NCOA3: variants seen among roughly 807,000 people sequenced by gnomAD.
NCOA3 encodes the protein CBP-interacting protein.
NCOA3 carries 51 observed loss-of-function variants against 158.8 expected under a neutral mutation model. The ratio of observed to expected loss-of-function variants is 0.32; its 90% CI spans 0.26 to 0.41. The LOEUF (loss-of-function observed/expected upper bound fraction) is 0.41, where lower values mean the gene tolerates loss of function less well. Ranked by LOEUF, NCOA3 falls within the 10% of genes least tolerant of loss-of-function variation. NCOA3 has a pLI of 1.00. For missense variants in NCOA3, 1,510 were observed against 1,746.6 expected (o/e 0.86, Z 2.41); for synonymous variants, 537 against 592.4 (o/e 0.91, Z 1.36).
intron 1 of NCOA3, among the ~76,000 whole-genome samples, chr20:47,565,169 C>T (rs764143014): frequency 2.6e-5 from 4 of 152,114 alleles, no homozygotes; most frequent in South Asian, 4.2e-4. Context: ...TTAGTAGAGA[C>T]GAGGTTTCTC....
chr20:47,522,917 G>T (rs1401476178), intron 1 of NCOA3, among the ~76,000 whole-genome samples: 5 of 151,472 alleles, frequency 3.3e-5, no homozygotes, highest in Admixed American at 1.3e-4. Flanking sequence ...CGAGCCCGGC[G>T]CGGTGGCTCA....
chr20:47,560,615 A>G (rs915760667), intron 1 of NCOA3, among the ~76,000 whole-genome samples: 2 of 152,112 alleles, frequency 1.3e-5, no homozygotes, highest in African/African-American at 4.8e-5. Context: ...GTAGTATCTC[A>G]TTGTTTTAAT....
chr20:47,649,125 C>T lies in NCOA3; in HGVS notation c.3651+16C>T. On this transcript the variant is annotated intron_variant, in intron 19 of 22. Coordinates refer to ENST00000371998, the MANE Select transcript of NCOA3 (RefSeq NM_181659.3). ...GAGCTCCCAGGTGAGGATGATAAGCCTCTCCACATGCATTGCTCTGTGCTC... is the reference window on the plus strand; with the variant it reads ...GAGCTCCCAGGTGAGGATGATAAGCTTCTCCACATGCATTGCTCTGTGCTC... The T allele has an allele frequency of 6.5e-7, 1 of 1,550,302 alleles. No homozygotes were observed.
chr20:47,635,988 G>A lies in NCOA3; in HGVS notation c.1602G>A (p.Gly534=), dbSNP rs1245725795. The change falls in exon 12 of 23, where the codon GGG becomes GGA. Residue 534 remains glycine, a synonymous_variant. Coordinates refer to ENST00000371998, the MANE Select transcript of NCOA3 (RefSeq NM_181659.3). ...TGCAAGCCATCAGTGAAGGTGTGGG[G>A]ACTTCCCTTTTATCTACTCTGTCAT... ...SALQAISEGV[G]TSLLSTLSSP... is the part of the protein sequence containing the mutation. The A allele has an allele frequency of 6.2e-7, 1 of 1,614,070 alleles. No homozygotes were observed. Among genetic ancestry groups the A allele is most frequent in the South Asian group, 1.1e-5 (1 of 91,070 alleles).
At chr20:47,652,884 C>A (rs532766691) in intron 21 of NCOA3, 47 bp from the exon 22 acceptor site, 2 of 1,601,780 alleles carry the variant, frequency 1.2e-6, no homozygotes, top group South Asian at 2.2e-5. Flanking sequence ...TGCCCTTTGT[C>A]GCTAAAGTGA....
chr20:47,555,632 GTTTTTTTTTTTTTTTT>G (rs74178745), intron 1 of NCOA3, among the ~76,000 whole-genome samples: 3 of 64,156 alleles, frequency 4.7e-5, no homozygotes, highest in Non-Finnish European at 8.2e-5. Flanking sequence ...CTATTAAAGT[GTTTTTTTTTTTTTTTT>G]TTTTTTTTGG....
At chr20:47,606,260 C>T (rs971361990) in intron 2 of NCOA3, among the ~76,000 whole-genome samples, 3 of 152,158 alleles carry the variant, frequency 2.0e-5, no homozygotes, top group Admixed American at 1.3e-4. Context: ...CGTGGACTCC[C>T]GGTAGTCTCT....
At chr20:47,650,441 G>C (rs1202793627) in intron 19 of NCOA3, among the ~76,000 whole-genome samples, 1 of 151,634 alleles carries the variant, frequency 6.6e-6, no homozygotes, top group Non-Finnish European at 1.5e-5. Context: ...AGTAGAGACA[G>C]GGTTTCACCA....
At chr20:47,586,339 TTG>T (rs1188161189) in intron 2 of NCOA3, among the ~76,000 whole-genome samples, 1 of 152,166 alleles carries the variant, frequency 6.6e-6, no homozygotes, top group Non-Finnish European at 1.5e-5. Flanking sequence ...TTATTTGTAT[TTG>T]TGCTGTCCTA....
chr20:47,511,550 T>TATATATATATACATACACAC, intron 1 of NCOA3, among the ~76,000 whole-genome samples: 2 of 52,268 alleles, frequency 3.8e-5, no homozygotes, highest in Non-Finnish European at 8.0e-5. Context: ...TATATATATA[T>TATATATATATACATACACAC]ATATATTTCT....
At chr20:47,511,835 A>G (rs1473494521) in intron 1 of NCOA3, among the ~76,000 whole-genome samples, 1 of 152,006 alleles carries the variant, frequency 6.6e-6, no homozygotes, top group Non-Finnish European at 1.5e-5. Context: ...TATGCTACAC[A>G]TGGACATATT....
chr20:47,574,097 T>C (rs765589134), intron 1 of NCOA3, among the ~76,000 whole-genome samples: 1 of 152,068 alleles, frequency 6.6e-6, no homozygotes, highest in Admixed American at 6.6e-5. Context: ...GCTATTAAGT[T>C]GTGTAGAAAA....
intron 10 of NCOA3, among the ~76,000 whole-genome samples, chr20:47,634,411 G>C (rs1185849956): frequency 6.6e-6 from 1 of 152,180 alleles, no homozygotes; most frequent in Non-Finnish European, 1.5e-5. Flanking sequence ...GGAAAGCTAG[G>C]TGATGGGAAG....
chr20:47,631,713 C>T (rs2086420890), intron 8 of NCOA3, among the ~76,000 whole-genome samples: 1 of 152,186 alleles, frequency 6.6e-6, no homozygotes, highest in South Asian at 2.1e-4. Context: ...GGTATTTTCT[C>T]TTGCTTATAG....
chr20:47,634,136 C>A lies in NCOA3; in HGVS notation c.1053C>A (p.Leu351=), dbSNP rs577097961. Reference sequence around the variant, plus strand: ...TGACTGCACAGACAAAAAGCAAACTCTTCCGAAATCCTGTAACAAATGATC... The same window carrying A: ...TGACTGCACAGACAAAAAGCAAACTATTCCGAAATCCTGTAACAAATGATC... ...TIVTAQTKSK[L]FRNPVTNDRH... is the part of the protein sequence containing the mutation. The change falls in exon 10 of 23, where the codon CTC becomes CTA. Residue 351 remains leucine, a synonymous_variant. Coordinates refer to ENST00000371998, the MANE Select transcript of NCOA3 (RefSeq NM_181659.3). 8 of 1,614,158 alleles carry A rather than the reference C, an allele frequency of 5.0e-6. No individual in the cohort carries two copies. In the South Asian group the frequency reaches 7.7e-5, roughly 16 times the overall value.
intron 1 of NCOA3, among the ~76,000 whole-genome samples, chr20:47,530,377 A>G (rs980845413): frequency 2.0e-5 from 3 of 152,144 alleles, no homozygotes; most frequent in African/African-American, 7.2e-5. Context: ...GGATTTGTAT[A>G]GAGGAGAAAA....
At chr20:47,568,842 C>T (rs1335548074) in intron 1 of NCOA3, among the ~76,000 whole-genome samples, 1 of 151,896 alleles carries the variant, frequency 6.6e-6, no homozygotes, top group Non-Finnish European at 1.5e-5. Context: ...ATCATCTTAA[C>T]ATTTAGTAAG....
intron 22 of NCOA3, 149 bp downstream of exon 22, chr20:47,653,221 GCATTGGGC>G (rs1395451610): frequency 7.4e-6 from 9 of 1,212,654 alleles, no homozygotes; most frequent in Non-Finnish European, 1.0e-5. Flanking sequence ...TGGTTTGAAG[GCATTGGGC>G]CATTAGATAC....
intron 1 of NCOA3, among the ~76,000 whole-genome samples, chr20:47,520,527 T>G (rs1354330428): frequency 6.6e-6 from 1 of 152,222 alleles, no homozygotes; most frequent in Non-Finnish European, 1.5e-5. Context: ...TTCAACCCCC[T>G]GAAATTTGCG....
Sources: gnomAD v4.1 joint callset for allele counts (sites outside exome capture counted in the v4.1 genomes callset) on GRCh38, gnomAD v4.1.1 for gene constraint, MANE v1.5 for transcripts, NCBI Gene and HGNC (gene_info 2026-07-23, HGNC 2026-07-21) for gene names.